SBF1: variants seen among roughly 807,000 people sequenced by gnomAD.
SBF1 encodes the protein SET binding factor 1.
In SBF1, 65 loss-of-function variants were observed where a neutral mutation model predicts 215.8. The ratio of observed to expected loss-of-function variants is 0.30; its 90% CI spans 0.25 to 0.37. The LOEUF is 0.37. SBF1 is among the 10% of genes least tolerant of loss of function. SBF1 has a pLI of 1.00. For missense variants in SBF1, 2,634 were observed against 2,667.8 expected, an observed-to-expected ratio of 0.99 and a Z score of 0.28; for synonymous variants, 1,410 against 1,122.8, an observed-to-expected ratio of 1.26 and a Z score of -5.11.
Position 50,474,915 on chromosome 22 carries a change from G to T in SBF1, c.-75C>A. 1 of 1,084,564 alleles carries T rather than the reference G, an allele frequency of 9.2e-7. No homozygotes were observed. Among genetic ancestry groups the T allele is most frequent in the Non-Finnish European group, 1.2e-6 (1 of 836,980 alleles). 67.2% of individuals were successfully genotyped at this position (1,084,564 alleles called of 1,614,324 possible). A position where few individuals can be genotyped will look rare whatever the true frequency, so the allele number is the denominator to read the frequency against. On this transcript the variant is annotated 5_prime_UTR_variant, in exon 1 of 41. Transcript: ENST00000380817. ...GGGGACTCGAGGACGGCGCGCTCAT[G>T]GCCCGGCCCCGGCCCTGGACCGCGC...
chr22:50,456,596 C>A lies in SBF1; in HGVS notation c.3982G>T (p.Asp1328Tyr). The change falls in exon 30 of 41, where the codon GAC becomes TAC. Residue 1328 changes from aspartate (D) to tyrosine (Y), a missense_variant. Coordinates refer to ENST00000380817, the MANE Select transcript of SBF1 (RefSeq NM_002972.4). The part of the protein sequence containing the change: ...TDVGSRLAGR[D>Y]ALAPPQANGG... ...TTGGCCTGGGGTGGGGCCAGCGCGT[C>A]TCTGCCAGCTAGCCGGGAGCCCACA... 6.5e-7 allele frequency: 1 copy of A among 1,536,406 alleles called. No homozygotes were observed. The highest frequency in any genetic ancestry group is 2.1e-5 in the Admixed American group (1 of 48,440).
rs1569514152 is a variant in SBF1 at position 50,467,794 on chromosome 22, G to A, written c.271C>T (p.Pro91Ser). Reference sequence around the variant, plus strand: ...AGAGGCCCCAAGCTGACCTGTGAAGGCTCCGCTGGCTCCCAGAAGGTCAAG... The same window carrying A: ...AGAGGCCCCAAGCTGACCTGTGAAGACTCCGCTGGCTCCCAGAAGGTCAAG... ...ACLTFWEPAE[P>S]SQETTRVEDA... The change falls in exon 3 of 41, where the codon CCT becomes TCT. Residue 91 changes from proline to serine, a missense_variant. Physicochemically the swap from Pro to Ser is moderately conservative, Grantham distance 74. Coordinates refer to ENST00000380817, the MANE Select transcript of SBF1 (RefSeq NM_002972.4). 6.2e-7 allele frequency: 1 copy of A among 1,613,916 alleles called. No homozygotes were observed. Among genetic ancestry groups the A allele is most frequent in the African/African-American group, 1.3e-5 (1 of 75,046 alleles).
chr22:50,459,489 G>A lies in SBF1; in HGVS notation c.3669C>T (p.Ala1223=). The change falls in exon 27 of 41, where the codon GCC becomes GCT. Residue 1223 remains alanine (A), a synonymous_variant. Transcript: ENST00000380817. ...AGGTACCTGGAGAAGGTGCGTTCTG[G>A]GCCTTGAAGAGGCCGACGACACCTT... The part of the protein sequence containing the change: ...HGKGVVGLFK[A]QNAPSPGQSQ... The A allele has an allele frequency of 3.1e-6, 5 of 1,610,358 alleles. No individual in the cohort carries two copies. Among genetic ancestry groups the A allele is most frequent in the Non-Finnish European group, 4.2e-6 (5 of 1,179,818 alleles).
intron 1 of SBF1, 98 bp downstream of exon 1, chr22:50,474,688 G>C (rs1311187199): frequency 3.9e-6 from 3 of 773,104 alleles, no homozygotes; most frequent in Non-Finnish European, 5.4e-6. Flanking sequence ...CCCAGCCCTC[G>C]GCCCCCAGCC....
chr22:50,464,783 G>GC, intron 13 of SBF1, 36 bp downstream of exon 13: 1 of 1,612,298 alleles, frequency 6.2e-7, no homozygotes, highest in African/African-American at 1.3e-5. Context: ...AGGGATCAAG[G>GC]CGGTACGACG....
In SBF1 at chr22:50,473,696, A is replaced by G. The variant is rs536636528; in HGVS notation, c.55+1090T>C. 7.2e-5 allele frequency among the ~76,000 whole-genome samples: 11 copies of G among 152,292 alleles called. No homozygotes were observed. In the South Asian group the frequency reaches 1.9e-3, roughly 26 times the overall value. ...CCTTGGTGGGGACAGTGACAACTGG[A>G]CTGACAAAAAACAGGGTAACTGGGA... On this transcript the variant is annotated intron_variant, in intron 1 of 40. Transcript: ENST00000380817.
Position 50,467,564 on chromosome 22 carries a change from C to A in SBF1, c.406G>T (p.Val136Leu). ...ACCTCCGTGTGGTCGAGTCGCGACA[C>A]CAGTACCAGCGTCTTCGGTGCAAAC... The part of the protein sequence containing the change: ...QLFAPKTLVL[V>L]SRLDHTEVFR... The change falls in exon 4 of 41, where the codon GTG becomes TTG. Residue 136 changes from valine (V) to leucine (L), a missense_variant. Physicochemically the swap from Val to Leu is conservative, Grantham distance 32. Transcript: ENST00000380817. 1 of 1,614,178 alleles carries A rather than the reference C, an allele frequency of 6.2e-7. No homozygotes were observed. Among genetic ancestry groups the A allele is most frequent in the Non-Finnish European group, 8.5e-7 (1 of 1,180,020 alleles).
chr22:50,468,294 C>A, intron 2 of SBF1, 82 bp downstream of exon 2: 1 of 1,323,400 alleles, frequency 7.6e-7, no homozygotes, highest in African/African-American at 1.5e-5. Context: ...CTGTGGAGGC[C>A]CCTCAGTCAG....
Position 50,461,652 on chromosome 22 carries a change from G to A in SBF1, c.2710C>T (p.Leu904=), listed in dbSNP as rs777100804. ...ECVLDGLRVY[L]LPDGREEGAG... ...CCCTCCTCACGCCCATCCGGCAGCA[G>A]GTAGACGCGCAGGCCGTCCAGCACA... Residue 904 remains leucine, a synonymous_variant, in exon 22 of 41, where the codon CTG becomes TTG. Transcript: ENST00000380817. The A allele has an allele frequency of 3.1e-6, 5 of 1,611,088 alleles. No homozygotes were observed. The South Asian group carries it at 4.4e-5, about 14-fold the overall frequency.
chr22:50,462,304 T>C lies in SBF1; in HGVS notation c.2297A>G (p.Tyr766Cys). The change falls in exon 19 of 41, where the codon TAC becomes TGC. Residue 766 changes from tyrosine to cysteine, a missense_variant. Tyr to Cys is a radical substitution (Grantham distance 194, BLOSUM62 -2). Coordinates refer to ENST00000380817, the MANE Select transcript of SBF1 (RefSeq NM_002972.4). Reference protein sequence around the residue: ...QAIHYANRMSYLLLPLDSSKS... With the variant: ...QAIHYANRMSCLLLPLDSSKS... ...GCTGCTGTCCAGGGGCAGGAGGAGG[T>C]AGCTCATGCGGTTGGCATAGTGGAT... The C allele has an allele frequency of 6.2e-7, 1 of 1,613,602 alleles. No homozygotes were observed. Among genetic ancestry groups the C allele is most frequent in the Non-Finnish European group, 8.5e-7 (1 of 1,179,982 alleles).
At chr22:50,473,575 G>A (rs188175012) in intron 1 of SBF1, among the ~76,000 whole-genome samples, 20 of 152,318 alleles carry the variant, frequency 1.3e-4, no homozygotes, top group Non-Finnish European at 2.4e-4. Flanking sequence ...AGAGGGCACT[G>A]AGGAGGGGCT....
chr22:50,466,519 C>A (rs1464244478), intron 6 of SBF1, 37 bp from the exon 7 acceptor site: 11 of 1,531,696 alleles, frequency 7.2e-6, no homozygotes, highest in African/African-American at 1.4e-5. Context: ...GGACCCTGGG[C>A]CCCCACCCAG....
intron 32 of SBF1, 35 bp from the exon 33 acceptor site, chr22:50,455,444 G>A (rs756953595): frequency 1.6e-5 from 26 of 1,612,034 alleles, no homozygotes; most frequent in South Asian, 4.4e-5. Flanking sequence ...CGAGGAGCCC[G>A]GGAGCCTGGC....
At position 50,460,717 on chromosome 22, in the gene SBF1, G is replaced by A; in HGVS notation, c.2968-5C>T. 1.9e-6 allele frequency: 3 copies of A among 1,611,964 alleles called. No individual in the cohort carries two copies. Among genetic ancestry groups the A allele is most frequent in the Non-Finnish European group, 2.5e-6 (3 of 1,179,582 alleles). On this transcript the variant is annotated splice_region_variant and splice_polypyrimidine_tract_variant and intron_variant, in intron 23 of 40. Coordinates refer to ENST00000380817, the MANE Select transcript of SBF1 (RefSeq NM_002972.4). Reference sequence around the variant, plus strand: ...GTCAAAGGCCATTTTCAGCAGCTGTGTCAGTAAAAGCAGCCCTTAGGGGTG... The same window carrying A: ...GTCAAAGGCCATTTTCAGCAGCTGTATCAGTAAAAGCAGCCCTTAGGGGTG...
At chr22:50,464,047 G>A (rs142820111) in intron 15 of SBF1, among the ~76,000 whole-genome samples, 1 of 152,200 alleles carries the variant, frequency 6.6e-6, no homozygotes, top group South Asian at 2.1e-4. Context: ...CCAATTTAAG[G>A]GGAAGGACAC....
intron 26 of SBF1, 79 bp from the exon 27 acceptor site, chr22:50,459,745 G>A: frequency 2.1e-6 from 3 of 1,442,006 alleles, no homozygotes; most frequent in Non-Finnish European, 2.8e-6. Flanking sequence ...GGCAAGAGGA[G>A]CCAGCCCATG....
rs941272330 is a variant in SBF1 at position 50,456,691 on chromosome 22, G to C, written c.3905-18C>G. 3.8e-5 allele frequency: 56 copies of C among 1,457,756 alleles called. No individual in the cohort carries two copies. The highest frequency in any genetic ancestry group is 3.6e-4 in the Middle Eastern group (2 of 5,508). 90.3% of individuals were successfully genotyped at this position (1,457,756 alleles called of 1,614,324 possible). ...CCACTTACCTGTGAAGGAGATGCCA[G>C]GTAAGCACCCAAAGGGGGCCAGGGC... is the stretch of plus-strand genomic sequence containing the variant. On this transcript the variant is annotated intron_variant, in intron 29 of 40. Transcript: ENST00000380817.
Position 50,465,138 on chromosome 22 carries a change from CAGA to C in SBF1, c.1204-12_1204-10del, listed in dbSNP as rs759119087. On this transcript the variant is annotated splice_polypyrimidine_tract_variant and intron_variant, in intron 11 of 40. Transcript: ENST00000380817. ...TGGCCCAGGAAGGCTGCCTGGATGA[CAGA>C]AGGAGGTCGGTCCCTCAGGGGTCTC... The C allele has an allele frequency of 2.5e-6, 4 of 1,613,906 alleles. No homozygotes were observed. Among genetic ancestry groups the C allele is most frequent in the African/African-American group, 2.7e-5 (2 of 74,920 alleles).
At chr22:50,463,953 T>A (rs942194457) in intron 15 of SBF1, among the ~76,000 whole-genome samples, 1 of 151,996 alleles carries the variant, frequency 6.6e-6, no homozygotes, top group Non-Finnish European at 1.5e-5. Context: ...TCTGTTTCCA[T>A]AAGATGCAAG....
Sources: allele counts gnomAD v4.1 joint callset (sites outside exome capture counted in the v4.1 genomes callset), GRCh38; gene constraint gnomAD v4.1.1; transcripts MANE v1.5; gene names NCBI Gene and HGNC (gene_info 2026-07-23, HGNC 2026-07-21).